NAALADL2: variants seen among roughly 807,000 people sequenced by gnomAD.
NAALADL2 encodes the protein N-acetylated alpha-linked acidic dipeptidase like 2.
A neutral mutation model predicts 87.2 loss-of-function variants in NAALADL2; 76 were observed. The ratio of observed to expected loss-of-function variants is 0.87; its 90% CI spans 0.72 to 1.05. The LOEUF is 1.05. Ranked by LOEUF, NAALADL2 falls within the 50% of genes least tolerant of loss-of-function variation. The pLI, the probability that NAALADL2 is intolerant of heterozygous loss-of-function variation, is 0.00. For synonymous variants in NAALADL2, 354 were observed against 331.0 expected (o/e 1.07, Z -0.75); for missense variants, 1,089 against 945.8 (o/e 1.15, Z -1.99).
At chr3:175,224,699 T>C (rs1238381456) in intron 2 of NAALADL2, among the ~76,000 whole-genome samples, 1 of 152,160 alleles carries the variant, frequency 6.6e-6, no homozygotes. Flanking sequence ...TATACCATTG[T>C]CAATGCAGCT....
Position 175,030,028 on chromosome 3 carries a change from A to G in NAALADL2, c.44-66762A>G, listed in dbSNP as rs73034426. Among the ~76,000 whole-genome samples, 208 of 152,212 alleles carry G rather than the reference A, an allele frequency of 1.4e-3. 1 individual carries two copies. Among genetic ancestry groups the G allele is most frequent in the African/African-American group, 4.8e-3 (199 of 41,570 alleles). ...AGCGTGTTCGTAAGTATTACCTGTC[A>G]TTTGAAATATGACAGTGCTGTAACT... is the stretch of plus-strand genomic sequence containing the variant. On this transcript the variant is annotated intron_variant, in intron 1 of 13. Coordinates refer to ENST00000454872, the MANE Select transcript of NAALADL2 (RefSeq NM_207015.3).
intron 1 of NAALADL2, among the ~76,000 whole-genome samples, chr3:175,042,412 T>G (rs764973853): frequency 6.6e-6 from 1 of 152,214 alleles, no homozygotes; most frequent in Non-Finnish European, 1.5e-5. Flanking sequence ...AATATGAAAG[T>G]AAAGATGTCT....
intron 1 of NAALADL2, among the ~76,000 whole-genome samples, chr3:174,884,158 T>G (rs1729773110): frequency 6.6e-6 from 1 of 152,216 alleles, no homozygotes; most frequent in African/African-American, 2.4e-5. Flanking sequence ...TGTAATGTCA[T>G]GGGAACAGGA....
chr3:174,613,442 GTCTA>G (rs3040002), intron 2 of NAALADL2, among the ~76,000 whole-genome samples: 97,648 of 151,054 alleles, frequency 0.65, 32,526 homozygotes, highest in East Asian at 0.87. Flanking sequence ...AACCTTAGAA[GTCTA>G]TCTACTTAGT....
chr3:174,735,021 A>C (rs574161045), intron 2 of NAALADL2, among the ~76,000 whole-genome samples: 15 of 152,322 alleles, frequency 9.8e-5, no homozygotes, highest in African/African-American at 3.4e-4. Flanking sequence ...GAAGGAAATA[A>C]TAGCTTATTT....
At chr3:175,689,463 T>C (rs1736752239) in intron 11 of NAALADL2, among the ~76,000 whole-genome samples, 1 of 152,144 alleles carries the variant, frequency 6.6e-6, no homozygotes, top group Non-Finnish European at 1.5e-5. Context: ...AATTGGCAAA[T>C]AATTCCTATA....
At chr3:175,633,092 G>A (rs1318743855) in intron 11 of NAALADL2, among the ~76,000 whole-genome samples, 1 of 152,022 alleles carries the variant, frequency 6.6e-6, no homozygotes, top group Non-Finnish European at 1.5e-5. Context: ...CCAGGATAGA[G>A]CGGTTCATGT....
chr3:175,279,736 G>A (rs572344800), intron 4 of NAALADL2, among the ~76,000 whole-genome samples: 1 of 151,158 alleles, frequency 6.6e-6, no homozygotes, highest in Non-Finnish European at 1.5e-5. Context: ...TTTAAAAATT[G>A]GTTCTGAATT....
At chr3:174,913,495 A>T (rs1008433146) in intron 1 of NAALADL2, among the ~76,000 whole-genome samples, 1 of 152,160 alleles carries the variant, frequency 6.6e-6, no homozygotes, top group Non-Finnish European at 1.5e-5. Context: ...CATTCACAAG[A>T]TACCTGGACT....
chr3:174,446,686 C>T (rs549357242), intron 1 of NAALADL2, among the ~76,000 whole-genome samples: 7 of 152,242 alleles, frequency 4.6e-5, no homozygotes, highest in Admixed American at 3.9e-4. Flanking sequence ...CTAGTCTCCA[C>T]CTGGGGGCAG....
intron 3 of NAALADL2, among the ~76,000 whole-genome samples, chr3:174,767,254 C>G (rs759336754): frequency 2.1e-4 from 32 of 152,146 alleles, no homozygotes; most frequent in Non-Finnish European, 4.4e-4. Context: ...GATATCAGAG[C>G]AGATTAGACC....
At position 175,506,336 on chromosome 3, in the gene NAALADL2, G is replaced by A. The variant is rs144073206; in HGVS notation, c.1653+34578G>A. Among the ~76,000 whole-genome samples, 195 of 152,252 alleles carry A rather than the reference G, an allele frequency of 1.3e-3. 3 individuals are homozygous for A. The East Asian group carries it at 0.025, about 20-fold the overall frequency. On this transcript the variant is annotated intron_variant, in intron 9 of 13. Transcript: ENST00000454872. Reference sequence around the variant, plus strand: ...TTTCATTGCTGCAGAAGTAATTTCCGAAGGTCATCTTATAACGGATGAAAA... The same window carrying A: ...TTTCATTGCTGCAGAAGTAATTTCCAAAGGTCATCTTATAACGGATGAAAA...
In NAALADL2 at chr3:175,335,215, T is replaced by A. The variant is rs543294053; in HGVS notation, c.1090+10890T>A. On this transcript the variant is annotated intron_variant, in intron 5 of 13. Coordinates refer to ENST00000454872, the MANE Select transcript of NAALADL2 (RefSeq NM_207015.3). ...TATGGCTATTTAACTTTAAATTAATTTAAATGAAATAAAATTTAAAAGGCA... is the reference window on the plus strand; with the variant it reads ...TATGGCTATTTAACTTTAAATTAATATAAATGAAATAAAATTTAAAAGGCA... Among the ~76,000 whole-genome samples, 10 of 152,308 alleles carry A rather than the reference T, an allele frequency of 6.6e-5. No individual in the cohort carries two copies. In the East Asian group the frequency reaches 1.9e-3, roughly 29 times the overall value.
Position 174,768,969 on chromosome 3 carries a change from G to A in NAALADL2, c.-9+31223G>A, listed in dbSNP as rs116412323. ...TTAATTTCATTAACTTATCGCTATG[G>A]GTTGCTTTTCTTTTTTTCTTTTTAA... is the stretch of plus-strand genomic sequence containing the variant. On this transcript the variant is annotated intron_variant, in intron 3 of 3. Coordinates refer to the NAALADL2 transcript ENST00000434257. Among the ~76,000 whole-genome samples the A allele has an allele frequency of 3.1e-3, 469 of 151,220 alleles. 2 individuals are homozygous for A. Among genetic ancestry groups the A allele is most frequent in the African/African-American group, 0.011 (449 of 41,256 alleles).
intron 13 of NAALADL2, 141 bp from the exon 14 acceptor site, chr3:175,802,864 G>A: frequency 1.7e-6 from 1 of 592,460 alleles, no homozygotes; most frequent in African/African-American, 2.0e-5. Flanking sequence ...TTCATTAGGA[G>A]TTGAAAAATC....
chr3:174,922,350 G>T (rs1231758013), intron 1 of NAALADL2, among the ~76,000 whole-genome samples: 1 of 148,766 alleles, frequency 6.7e-6, no homozygotes, highest in African/African-American at 2.5e-5. Context: ...TTTTTTAAAA[G>T]CTTTTTATTT....
At chr3:175,742,036 A>C (rs1379667019) in intron 12 of NAALADL2, among the ~76,000 whole-genome samples, 1 of 152,186 alleles carries the variant, frequency 6.6e-6, no homozygotes, top group Non-Finnish European at 1.5e-5. Context: ...GTTTCTGTTT[A>C]GCCTTTCACT....
intron 1 of NAALADL2, among the ~76,000 whole-genome samples, chr3:174,890,018 A>G (rs975018321): frequency 2.0e-5 from 3 of 152,184 alleles, no homozygotes; most frequent in Non-Finnish European, 2.9e-5. Flanking sequence ...TACGCTACAT[A>G]TGAGTTCAGG....
At chr3:175,549,773 C>T (rs1560741628) in intron 9 of NAALADL2, among the ~76,000 whole-genome samples, 1 of 151,988 alleles carries the variant, frequency 6.6e-6, no homozygotes, top group Non-Finnish European at 1.5e-5. Flanking sequence ...GACTTACAGT[C>T]AGAAGTTATT....
Sources: allele counts gnomAD v4.1 joint callset (sites outside exome capture counted in the v4.1 genomes callset), GRCh38; gene constraint gnomAD v4.1.1; transcripts MANE v1.5; gene names NCBI Gene and HGNC (gene_info 2026-07-23, HGNC 2026-07-21).